The following ATAD3B variants were observed in gnomAD, a reference collection of about 807,000 sequenced individuals.
ATAD3B encodes ATPase family AAA domain-containing protein 3B.
Under a neutral mutation model 70.2 loss-of-function variants are expected in ATAD3B, and 59 were observed. The ratio of observed to expected loss-of-function variants is 0.84; its 90% CI spans 0.68 to 1.04. The LOEUF is 1.04. Among genes scored for constraint, ATAD3B ranks in the 50% least tolerant of loss-of-function variants. ATAD3B has a pLI of 0.00. For missense variants in ATAD3B, 961 were observed against 913.4 expected (o/e 1.05, Z -0.67); for synonymous variants, 423 against 388.6 (o/e 1.09, Z -1.04).
At chr1:1,474,411 C>G (rs1262035357) in intron 1 of ATAD3B, among the ~76,000 whole-genome samples, 1 of 150,978 alleles carries the variant, frequency 6.6e-6, no homozygotes, top group Non-Finnish European at 1.5e-5. Context: ...AGAATGGTCT[C>G]GATCTCCTGA....
At chr1:1,482,461 G>A in intron 6 of ATAD3B, 84 bp from the exon 7 acceptor site, 1 of 1,609,564 alleles carries the variant, frequency 6.2e-7, no homozygotes, top group Non-Finnish European at 8.5e-7. Flanking sequence ...GTGCCGCCAT[G>A]TCAGGGCCTC....
At chr1:1,477,046 A>G (rs938699042) in intron 1 of ATAD3B, among the ~76,000 whole-genome samples, 5 of 151,016 alleles carry the variant, frequency 3.3e-5, no homozygotes, top group Non-Finnish European at 5.9e-5. Flanking sequence ...CTTAAGTCTC[A>G]CTCTGTCCAG....
chr1:1,485,284 G>A, intron 8 of ATAD3B, 113 bp downstream of exon 8: 2 of 1,488,088 alleles, frequency 1.3e-6, no homozygotes, highest in Non-Finnish European at 1.8e-6. Flanking sequence ...CGGATAACAG[G>A]CACCCGCACG....
chr1:1,496,093 G>A lies in ATAD3B; in HGVS notation c.*276G>A. On this transcript the variant is annotated 3_prime_UTR_variant, in exon 16 of 16. Transcript: ENST00000673477. Reference sequence around the variant, plus strand: ...GAACCCTGCTTCCAGCCATGGCCAGGGGCCACGGAACCCGGCAGGGGTGTC... The same window carrying A: ...GAACCCTGCTTCCAGCCATGGCCAGAGGCCACGGAACCCGGCAGGGGTGTC... 1.7e-6 allele frequency: 2 copies of A among 1,203,206 alleles called. No homozygotes were observed. Among genetic ancestry groups the A allele is most frequent in the East Asian group, 3.6e-5 (1 of 27,476 alleles). 74.5% of individuals were successfully genotyped at this position (1,203,206 alleles called of 1,614,324 possible). A position where few individuals can be genotyped will look rare whatever the true frequency, so the allele number is the denominator to read the frequency against.
Position 1,485,789 on chromosome 1 carries a change from G to A in ATAD3B, c.914G>A (p.Arg305Gln), listed in dbSNP as rs138300243. ...CCCCTTCCCCTCCGGCAGGTCAGCCGGCGGCTCCTCAGTCGACCCCAGGAC... is the reference window on the plus strand; with the variant it reads ...CCCCTTCCCCTCCGGCAGGTCAGCCAGCGGCTCCTCAGTCGACCCCAGGAC... Reference protein sequence around the residue: ...EALRHPIQVSRRLLSRPQDVL... With the variant: ...EALRHPIQVSQRLLSRPQDVL... The change falls in exon 9 of 16, where the codon CGG (arginine) becomes CAG (glutamine). Residue 305 changes from arginine (R) to glutamine (Q), a missense_variant. Coordinates refer to ENST00000673477, the MANE Select transcript of ATAD3B (RefSeq NM_031921.6). The A allele has an allele frequency of 1.1e-5, 17 of 1,612,856 alleles. No homozygotes were observed. The highest frequency in any genetic ancestry group is 1.2e-5 in the Non-Finnish European group (14 of 1,179,416).
chr1:1,506,367 A>C, the ATAD3B span, among the ~76,000 whole-genome samples: 1 of 151,620 alleles, frequency 6.6e-6, no homozygotes, highest in Non-Finnish European at 1.5e-5. Context: ...TCCAGTCTCT[A>C]TATTGCCTTG....
chr1:1,489,513 C>A (rs375615382), intron 13 of ATAD3B: 2 of 984,036 alleles, frequency 2.0e-6, no homozygotes, highest in Non-Finnish European at 3.0e-6. Flanking sequence ...TGTGCGCCGC[C>A]GCCCCAGCTT....
intron 9 of ATAD3B, 23 bp downstream of exon 9, chr1:1,485,861 G>C (rs184049759): frequency 6.2e-7 from 1 of 1,612,754 alleles, no homozygotes; most frequent in Non-Finnish European, 8.5e-7. Flanking sequence ...GCCTGGGACC[G>C]GGGAGGTGCA....
At chr1:1,498,941 G>A (rs1216583678), downstream of ATAD3B, among the ~76,000 whole-genome samples, 1 of 151,372 alleles carries the variant, frequency 6.6e-6, no homozygotes, top group Non-Finnish European at 1.5e-5. Context: ...TCCTGACACA[G>A]GTAGCCCCTA....
the ATAD3B span, among the ~76,000 whole-genome samples, chr1:1,508,015 G>A: frequency 1.3e-5 from 2 of 152,194 alleles, no homozygotes; most frequent in African/African-American, 4.8e-5. Context: ...GCCAGGTCCC[G>A]TGCTTCCCAG....
chr1:1,496,518 T>G lies in ATAD3B; in HGVS notation c.*701T>G, dbSNP rs1405392320. The stretch of plus-strand genomic sequence containing the variant: ...TGCGCCCAGGTGTAAGAGGGCACGC[T>G]TCTGCCCAGGCATCGTCCATGGAAG... On this transcript the variant is annotated 3_prime_UTR_variant, in exon 16 of 16. Coordinates refer to ENST00000673477, the MANE Select transcript of ATAD3B (RefSeq NM_031921.6). The G allele has an allele frequency of 6.6e-6, 1 of 152,096 alleles. No homozygotes were observed. The highest frequency in any genetic ancestry group is 2.4e-5 in the African/African-American group (1 of 41,280). The allele number at this position is 152,096 out of a possible 1,614,324, so 9.4% of individuals were successfully genotyped here.
rs1640453111 is a variant in ATAD3B, at chr1:1,490,124, G to T, written c.1338-133G>T. ...AGGGCTGTGGCTGCGTTCTCCCCAT[G>T]TTTCCTGTGCTCACAAGCTGCCGCT... On this transcript the variant is annotated intron_variant, in intron 13 of 15. Coordinates refer to ENST00000673477, the MANE Select transcript of ATAD3B (RefSeq NM_031921.6). The T allele has an allele frequency of 2.1e-6, 3 of 1,457,376 alleles. No individual in the cohort carries two copies. In the African/African-American group the frequency reaches 4.3e-5, roughly 21 times the overall value. The allele number at this position is 1,457,376 out of a possible 1,614,324, so 90.3% of individuals were successfully genotyped here. A position where few individuals can be genotyped will look rare whatever the true frequency, so the allele number is the denominator to read the frequency against.
At chr1:1,474,229 C>T (rs143332441) in intron 1 of ATAD3B, among the ~76,000 whole-genome samples, 2,583 of 150,760 alleles carry the variant, frequency 0.017, 99 homozygotes, top group African/African-American at 0.06. Flanking sequence ...GTCTCGCTGT[C>T]GCCCAGGCTG....
In ATAD3B at chr1:1,495,627, C is replaced by A. The variant is rs149788676; in HGVS notation, c.1757C>A (p.Ser586Tyr). The change falls in exon 16 of 16, where the codon TCC becomes TAC. Residue 586 changes from serine (S) to tyrosine (Y), a missense_variant. Physicochemically the swap from Ser to Tyr is moderately radical, Grantham distance 144. This residue lies in a region of ATAD3B where 417 missense variants were observed against 335.0 expected (regional missense o/e 1.24). Transcript: ENST00000673477. ...GPGRGVEHPL[S>Y]GVQGETLTSW... ...GGGCGCGGGGTCGAGCACCCCCTATCCGGAGTCCAAGGCGAGACCCTCACC... is the reference window on the plus strand; with the variant it reads ...GGGCGCGGGGTCGAGCACCCCCTATACGGAGTCCAAGGCGAGACCCTCACC... 8 of 1,612,964 alleles carry A rather than the reference C, an allele frequency of 5.0e-6. No homozygotes were observed. In the African/African-American group the frequency reaches 9.3e-5, roughly 19 times the overall value.
At chr1:1,485,290 G>A (rs369821249) in intron 8 of ATAD3B, 119 bp downstream of exon 8, 16,032 of 1,475,642 alleles carry the variant, frequency 0.011, 220 homozygotes, top group South Asian at 0.033. Flanking sequence ...ACAGGCACCC[G>A]CACGCTGCTT....
the ATAD3B span, among the ~76,000 whole-genome samples, chr1:1,507,184 C>T: frequency 4.6e-5 from 7 of 152,178 alleles, no homozygotes; most frequent in African/African-American, 7.2e-5. Context: ...TTTTTCTTCT[C>T]TAATGGCCCT....
chr1:1,492,103 T>C (rs1394903625), intron 15 of ATAD3B, among the ~76,000 whole-genome samples: 2 of 151,768 alleles, frequency 1.3e-5, no homozygotes, highest in Non-Finnish European at 1.5e-5. Flanking sequence ...GGAGGGTCAC[T>C]TGAGTCCAGG....
At chr1:1,479,781 AC>A (rs1303660226) in intron 4 of ATAD3B, among the ~76,000 whole-genome samples, 2 of 128,892 alleles carry the variant, frequency 1.6e-5, no homozygotes, top group East Asian at 2.4e-4. Context: ...GGGCTTACAC[AC>A]CCCCCCGCAC....
At chr1:1,489,806 ACTCAGGTC>A in intron 13 of ATAD3B, 17 of 1,272,874 alleles carry the variant, frequency 1.3e-5, no homozygotes, top group Non-Finnish European at 1.6e-5. Context: ...TGGAGCCCTG[ACTCAGGTC>A]CTTCCCAGAG....
Sources: allele counts gnomAD v4.1 joint callset (sites outside exome capture counted in the v4.1 genomes callset), GRCh38; gene constraint gnomAD v4.1.1; regional missense constraint gnomAD v4.1.1; transcripts MANE v1.5; gene names NCBI Gene and HGNC (gene_info 2026-07-23, HGNC 2026-07-21).